Variants in CA10 observed in about 807,000 individuals in gnomAD.
CA10 encodes carbonic anhydrase-related protein 10.
A neutral mutation model predicts 44.2 loss-of-function variants in CA10; 14 were observed. The ratio of observed to expected loss-of-function variants is 0.32; its 90% CI spans 0.21 to 0.50. The LOEUF (loss-of-function observed/expected upper bound fraction) is 0.50. Ranked by LOEUF, CA10 falls within the 20% of genes least tolerant of loss-of-function variation. The probability of loss-of-function intolerance (pLI) is 0.99; values close to 1 mark genes in which losing one functional copy is unlikely to be tolerated. For missense variants in CA10, 350 were observed against 409.7 expected (o/e 0.85, Z 1.26); for synonymous variants, 159 against 141.6 (o/e 1.12, Z -0.87).
intron 3 of CA10, among the ~76,000 whole-genome samples, chr17:51,910,778 C>T (rs1981760797): frequency 6.6e-6 from 1 of 152,068 alleles, no homozygotes; most frequent in African/African-American, 2.4e-5. Context: ...TCAGGAAGAC[C>T]CAATGACACA....
intron 4 of CA10, among the ~76,000 whole-genome samples, chr17:51,704,092 C>T (rs1915686488): frequency 6.6e-6 from 1 of 152,150 alleles, no homozygotes; most frequent in Non-Finnish European, 1.5e-5. Context: ...AAACAGTATC[C>T]TTTCAAATCC....
At chr17:51,971,207 C>A (rs1021083633) in intron 2 of CA10, among the ~76,000 whole-genome samples, 2 of 151,946 alleles carry the variant, frequency 1.3e-5, no homozygotes, top group African/African-American at 4.8e-5. Flanking sequence ...TAGAAATGAA[C>A]CTAGAATAAA....
chr17:51,925,327 A>C (rs138185006), intron 3 of CA10, among the ~76,000 whole-genome samples: 1 of 151,944 alleles, frequency 6.6e-6, no homozygotes, highest in African/African-American at 2.4e-5. Context: ...CTTGTACTGG[A>C]TGTCTGTGAA....
intron 4 of CA10, among the ~76,000 whole-genome samples, chr17:51,657,603 C>A (rs940405325): frequency 3.3e-5 from 5 of 152,174 alleles, no homozygotes; most frequent in Non-Finnish European, 7.3e-5. Flanking sequence ...GAAAGTGATG[C>A]CTGTGGATGG....
At chr17:51,792,213 C>T (rs1339151940) in intron 3 of CA10, among the ~76,000 whole-genome samples, 4 of 152,120 alleles carry the variant, frequency 2.6e-5, no homozygotes, top group South Asian at 2.1e-4. Context: ...CAACTTCCTC[C>T]AAGCAATGAA....
At chr17:51,840,852 C>T (rs1354346764) in intron 3 of CA10, among the ~76,000 whole-genome samples, 6 of 152,170 alleles carry the variant, frequency 3.9e-5, no homozygotes, top group African/African-American at 1.4e-4. Flanking sequence ...AACAGACCAG[C>T]ATTGAAACCA....
At chr17:51,948,114 C>T (rs1041330678) in intron 2 of CA10, among the ~76,000 whole-genome samples, 3 of 152,102 alleles carry the variant, frequency 2.0e-5, no homozygotes, top group Non-Finnish European at 4.4e-5. Flanking sequence ...CAAGTTTAGA[C>T]ACAGTGAAAT....
intron 7 of CA10, among the ~76,000 whole-genome samples, chr17:51,634,835 T>C (rs1005561203): frequency 6.6e-6 from 1 of 152,244 alleles, no homozygotes; most frequent in African/African-American, 2.4e-5. Context: ...CCCAACTTTT[T>C]CAAATGCATA....
chr17:51,918,952 C>A (rs1453125492), intron 3 of CA10, among the ~76,000 whole-genome samples: 1 of 152,104 alleles, frequency 6.6e-6, no homozygotes, highest in Non-Finnish European at 1.5e-5. Context: ...GACATTAAAT[C>A]TTCATCAGAA....
At chr17:52,067,587 A>G (rs1987571450) in intron 2 of CA10, among the ~76,000 whole-genome samples, 1 of 152,222 alleles carries the variant, frequency 6.6e-6, no homozygotes, top group Admixed American at 6.5e-5. Context: ...CTGACCCCAG[A>G]ATGGTAGATC....
intron 4 of CA10, among the ~76,000 whole-genome samples, chr17:51,741,834 A>G (rs909487158): frequency 4.6e-5 from 7 of 152,204 alleles, no homozygotes; most frequent in African/African-American, 1.7e-4. Flanking sequence ...TAAAATTCCC[A>G]TCAACAAAGG....
At chr17:52,135,037 C>A in intron 1 of CA10, 1 of 504,868 alleles carries the variant, frequency 2.0e-6, no homozygotes, top group Admixed American at 2.0e-5. Context: ...CCTGACTGCC[C>A]TCCTGAGGTC....
At chr17:51,992,771 T>C (rs1191107423) in intron 2 of CA10, among the ~76,000 whole-genome samples, 1 of 152,054 alleles carries the variant, frequency 6.6e-6, no homozygotes, top group Non-Finnish European at 1.5e-5. Context: ...GTTCCCAAAG[T>C]CCAGAGGCTG....
chr17:51,802,368 C>G (rs1906964466), intron 3 of CA10, among the ~76,000 whole-genome samples: 1 of 152,054 alleles, frequency 6.6e-6, no homozygotes, highest in Admixed American at 6.5e-5. Context: ...GGAAAGAGCT[C>G]ACTCTGCCAT....
At chr17:51,635,732 C>T in intron 7 of CA10, 123 bp downstream of exon 7, 1 of 678,276 alleles carries the variant, frequency 1.5e-6, no homozygotes, top group African/African-American at 1.8e-5. Flanking sequence ...GTTTAAACTA[C>T]CCAGTTTGTG....
intron 3 of CA10, among the ~76,000 whole-genome samples, chr17:51,871,394 A>AT (rs11438821): frequency 0.68 from 55,459 of 81,320 alleles, 19,893 homozygotes; most frequent in Non-Finnish European, 0.72. Flanking sequence ...ACCAGGCCTA[A>AT]TTTTTTTTTT....
intron 3 of CA10, among the ~76,000 whole-genome samples, chr17:51,759,548 C>T (rs1905165663): frequency 6.6e-6 from 1 of 151,052 alleles, no homozygotes; most frequent in Non-Finnish European, 1.5e-5. Flanking sequence ...ATTTACCAGT[C>T]TTGATTCCTG....
chr17:51,653,608 G>T, intron 5 of CA10, 33 bp downstream of exon 5: 1 of 1,095,738 alleles, frequency 9.1e-7, no homozygotes, highest in Non-Finnish European at 1.4e-6. Flanking sequence ...AGGTGGGGAT[G>T]GTGAGAAGAA....
chr17:51,923,335 TC>T (rs1982304507), intron 3 of CA10, among the ~76,000 whole-genome samples: 1 of 152,146 alleles, frequency 6.6e-6, no homozygotes, highest in African/African-American at 2.4e-5. Flanking sequence ...TCTTTCTATC[TC>T]CCTTTTCATG....
Sources: gnomAD v4.1 joint callset for allele counts (sites outside exome capture counted in the v4.1 genomes callset) on GRCh38, gnomAD v4.1.1 for gene constraint, MANE v1.5 for transcripts, NCBI Gene and HGNC (gene_info 2026-07-23, HGNC 2026-07-21) for gene names.